The following C6 variants were observed in gnomAD, a reference collection of about 807,000 sequenced individuals.
The protein encoded by C6 is complement C6.
Under a neutral mutation model 112.9 loss-of-function variants are expected in C6, and 101 were observed. The ratio of observed to expected loss-of-function variants is 0.89; its 90% CI spans 0.76 to 1.06. The LOEUF is 1.06. C6 is among the 50% of genes least tolerant of loss of function. The probability of loss-of-function intolerance (pLI) is 0.00; values close to 1 mark genes in which losing one functional copy is unlikely to be tolerated. For missense variants in C6, 1,202 were observed against 1,104.6 expected (o/e 1.09, Z -1.25); for synonymous variants, 431 against 384.1 (o/e 1.12, Z -1.43).
intron 9 of C6, among the ~76,000 whole-genome samples, chr5:41,168,292 G>A (rs1297874400): frequency 6.6e-6 from 1 of 152,180 alleles, no homozygotes. Context: ...CTACCAAGAG[G>A]TGGAAGTGGG....
chr5:41,201,086 TC>T (rs1185321066), intron 3 of C6, among the ~76,000 whole-genome samples: 2 of 152,166 alleles, frequency 1.3e-5, no homozygotes, highest in East Asian at 3.9e-4. Context: ...TAAATTATCT[TC>T]AGGCTATATG....
intron 1 of C6, among the ~76,000 whole-genome samples, chr5:41,254,048 T>C (rs1212000050): frequency 6.6e-6 from 1 of 152,224 alleles, no homozygotes; most frequent in East Asian, 1.9e-4. Flanking sequence ...GAATAACTTA[T>C]GTATAAAAGT....
chr5:41,162,462 G>A (rs1235086048), intron 9 of C6, among the ~76,000 whole-genome samples: 1 of 152,164 alleles, frequency 6.6e-6, no homozygotes, highest in Admixed American at 6.6e-5. Flanking sequence ...CCCCCATCAG[G>A]TTAAGAGTTG....
chr5:41,161,600 GA>G, intron 10 of C6, 92 bp downstream of exon 10: 1 of 1,037,458 alleles, frequency 9.6e-7, no homozygotes, highest in East Asian at 2.4e-5. Context: ...TTCATTGTCT[GA>G]GAAGAAAATG....
chr5:41,198,712 A>G (rs1750790452), intron 4 of C6, among the ~76,000 whole-genome samples: 1 of 152,164 alleles, frequency 6.6e-6, no homozygotes, highest in African/African-American at 2.4e-5. Flanking sequence ...AACTTTAAGT[A>G]TTTTTGGCCT....
chr5:41,172,557 C>T (rs558398821), intron 8 of C6: 5 of 601,666 alleles, frequency 8.3e-6, no homozygotes, highest in Admixed American at 5.4e-5. Context: ...ACAGGAGTCC[C>T]GTGAGTGCCC....
At chr5:41,252,389 T>C (rs752970852) in intron 1 of C6, among the ~76,000 whole-genome samples, 2 of 152,154 alleles carry the variant, frequency 1.3e-5, no homozygotes, top group African/African-American at 2.4e-5. Flanking sequence ...TGCCTCATTA[T>C]ACCCCTCCCT....
chr5:41,161,272 A>G (rs1436269638), intron 10 of C6, among the ~76,000 whole-genome samples: 1 of 152,200 alleles, frequency 6.6e-6, no homozygotes, highest in Non-Finnish European at 1.5e-5. Flanking sequence ...AATTCAATCA[A>G]TAGTAATAGA....
At chr5:41,149,691 A>G (rs1746195281) in intron 16 of C6, among the ~76,000 whole-genome samples, 1 of 152,204 alleles carries the variant, frequency 6.6e-6, no homozygotes, top group Admixed American at 6.5e-5. Context: ...TTAAGTCTTT[A>G]AAACCAAAAT....
chr5:41,241,904 T>A (rs1740735246), intron 1 of C6, among the ~76,000 whole-genome samples: 1 of 152,178 alleles, frequency 6.6e-6, no homozygotes, highest in Admixed American at 6.5e-5. Context: ...GTCCCCATCA[T>A]TCCTCTTCCA....
At chr5:41,256,703 C>A (rs1741737373) in intron 1 of C6, among the ~76,000 whole-genome samples, 3 of 152,164 alleles carry the variant, frequency 2.0e-5, no homozygotes, top group Admixed American at 2.0e-4. Context: ...ATAATGTTGC[C>A]AACTGCACCG....
chr5:41,176,499 T>G lies in C6; in HGVS notation c.1144A>C (p.Ser382Arg), dbSNP rs1242608666. The part of the protein sequence containing the change: ...GGVYDLLYQF[S>R]SEELKNSGLT... Reference sequence around the variant, plus strand: ...CCTGAGTTCTTTAGTTCCTCACTGCTAAACTGATAGAGAAGGTCATACACG... The same window carrying G: ...CCTGAGTTCTTTAGTTCCTCACTGCGAAACTGATAGAGAAGGTCATACACG... Residue 382 changes from serine (S) to arginine (R), a missense_variant, in exon 8 of 18, where the codon AGC becomes CGC. Transcript: ENST00000337836. The G allele has an allele frequency of 6.2e-7, 1 of 1,613,764 alleles. No homozygotes were observed. Among genetic ancestry groups the G allele is most frequent in the Non-Finnish European group, 8.5e-7 (1 of 1,179,802 alleles).
At chr5:41,234,322 G>C (rs1020453573) in intron 1 of C6, among the ~76,000 whole-genome samples, 1 of 138,590 alleles carries the variant, frequency 7.2e-6, no homozygotes, top group Admixed American at 7.1e-5. Flanking sequence ...GGGATACTTT[G>C]TTATTCTACC....
rs568510464 is a variant in C6, at chr5:41,144,567, A to G, written c.2624-1561T>C. ...CAGGCGTGGACCACAATGTCTGACCAGATTTTCTCTTTTTTCTTTTTCTTA... is the reference window on the plus strand; with the variant it reads ...CAGGCGTGGACCACAATGTCTGACCGGATTTTCTCTTTTTTCTTTTTCTTA... On this transcript the variant is annotated intron_variant, in intron 17 of 17. Coordinates refer to ENST00000337836, the MANE Select transcript of C6 (RefSeq NM_000065.5). 2.0e-5 allele frequency among the ~76,000 whole-genome samples: 3 copies of G among 152,300 alleles called. No homozygotes were observed. In the South Asian group the frequency reaches 6.2e-4, roughly 32 times the overall value.
At position 41,225,187 on chromosome 5, in the gene C6, A is replaced by C. The variant is rs550439257; in HGVS notation, c.-20-21937T>G. Among the ~76,000 whole-genome samples the C allele has an allele frequency of 1.3e-3, 197 of 152,172 alleles. 2 individuals are homozygous for C. Among genetic ancestry groups the C allele is most frequent in the African/African-American group, 4.5e-3 (187 of 41,518 alleles). On this transcript the variant is annotated intron_variant, in intron 1 of 17. Transcript: ENST00000263413. ...CCATTAACTCATCATTTAACATTAG[A>C]TATATCTCCTAATGCTATCCCTCCC...
At chr5:41,214,528 T>A (rs1752124991), upstream of C6, among the ~76,000 whole-genome samples, 1 of 152,136 alleles carries the variant, frequency 6.6e-6, no homozygotes, top group South Asian at 2.1e-4. Flanking sequence ...TACATTGAGA[T>A]TTTAAAGATT....
At chr5:41,240,619 A>G (rs941548263) in intron 1 of C6, among the ~76,000 whole-genome samples, 5 of 152,136 alleles carry the variant, frequency 3.3e-5, no homozygotes, top group Admixed American at 3.3e-4. Context: ...ACCCATCTTC[A>G]GGCCCCTGGG....
intron 15 of C6, among the ~76,000 whole-genome samples, chr5:41,150,573 C>T (rs978355523): frequency 1.3e-5 from 2 of 152,016 alleles, no homozygotes; most frequent in African/African-American, 4.8e-5. Flanking sequence ...ACAGAGGAAA[C>T]ATAAGGTATG....
intron 1 of C6, among the ~76,000 whole-genome samples, chr5:41,253,528 T>G (rs1374826731): frequency 1.3e-5 from 2 of 152,180 alleles, no homozygotes; most frequent in African/African-American, 4.8e-5. Context: ...TCTTGAGGCC[T>G]AAAAACTTTT....
Sources: gnomAD v4.1 joint callset for allele counts (sites outside exome capture counted in the v4.1 genomes callset) on GRCh38, gnomAD v4.1.1 for gene constraint, MANE v1.5 for transcripts, NCBI Gene and HGNC (gene_info 2026-07-23, HGNC 2026-07-21) for gene names.